Variants in EIF5A observed in about 807,000 individuals in gnomAD.
EIF5A encodes the protein eukaryotic translation initiation factor 5A.
Under a neutral mutation model 16.6 loss-of-function variants are expected in EIF5A, and 1 was observed. The observed-to-expected ratio is 0.06, with a 90% confidence interval of 0.02 to 0.28. The LOEUF (loss-of-function observed/expected upper bound fraction) is 0.28. EIF5A is among the 10% of genes least tolerant of loss of function. The pLI is 1.00. For synonymous variants in EIF5A, 80 were observed against 73.6 expected (o/e 1.09, Z -0.44); for missense variants, 29 against 196.1 (o/e 0.15, Z 5.09).
At chr17:7,309,046 T>G (rs1208033690) in intron 1 of EIF5A, among the ~76,000 whole-genome samples, 1 of 151,922 alleles carries the variant, frequency 6.6e-6, no homozygotes, top group African/African-American at 2.4e-5. Flanking sequence ...CCCCTTGGCT[T>G]GTTGCAAGTG....
chr17:7,310,048 T>G, intron 2 of EIF5A: 2 of 1,483,578 alleles, frequency 1.3e-6, no homozygotes, highest in South Asian at 2.4e-5. Context: ...TCCAGCTTTG[T>G]GCCAATCTCT....
intron 1 of EIF5A, chr17:7,308,478 G>A: frequency 1.5e-6 from 2 of 1,348,858 alleles, no homozygotes; most frequent in Non-Finnish European, 2.0e-6. Flanking sequence ...AATCACCCCG[G>A]AGGGCCTGCT....
intron 2 of EIF5A, chr17:7,310,270 T>A (rs1334944247): frequency 7.8e-7 from 1 of 1,288,866 alleles, no homozygotes. Flanking sequence ...AGTTCTAGCT[T>A]TCCCTTTGGA....
intron 1 of EIF5A, among the ~76,000 whole-genome samples, chr17:7,309,110 T>C (rs1428135578): frequency 6.7e-6 from 1 of 148,396 alleles, no homozygotes; most frequent in Non-Finnish European, 1.5e-5. Flanking sequence ...CCTGTAGCAG[T>C]GACTGGTTTG....
intron 2 of EIF5A, chr17:7,310,102 C>T: frequency 2.9e-6 from 4 of 1,371,606 alleles, no homozygotes; most frequent in Non-Finnish European, 3.8e-6. Context: ...GTTGCTCCTT[C>T]CTTATTCTTG....
At chr17:7,307,073 C>T (rs558424330), upstream of EIF5A, 6 of 1,604,378 alleles carry the variant, frequency 3.7e-6, no homozygotes, top group African/African-American at 5.3e-5. Context: ...GGACTGATTC[C>T]AAGACAAGGC....
intron 1 of EIF5A, chr17:7,308,348 A>C: frequency 8.5e-7 from 1 of 1,173,262 alleles, no homozygotes; most frequent in Non-Finnish European, 1.1e-6. Context: ...GGCCACCGGA[A>C]GCCCGGAACG....
rs527491803 is a variant in EIF5A at position 7,309,648 on chromosome 17, T to C, written c.13T>C (p.Leu5=). The C allele has an allele frequency of 1.2e-6, 2 of 1,614,220 alleles. No individual in the cohort carries two copies. The highest frequency in any genetic ancestry group is 2.2e-5 in the South Asian group (2 of 91,090). Residue 5 remains leucine, a synonymous_variant, in exon 2 of 6, where the codon TTG becomes CTG. Transcript: ENST00000336458. ...GAAGCCTCTTAAAATGGCAGATGAC[T>C]TGGACTTCGAGACAGGAGATGCAGG... MADD[L]DFETGDAGAS...
chr17:7,309,716 G>A lies in EIF5A; in HGVS notation c.81G>A (p.Lys27=). The A allele has an allele frequency of 6.2e-7, 1 of 1,614,252 alleles. No individual in the cohort carries two copies. Among genetic ancestry groups the A allele is most frequent in the Non-Finnish European group, 8.5e-7 (1 of 1,180,058 alleles). The part of the protein sequence containing the change: ...TFPMQCSALR[K]NGFVVLKGRP... Reference sequence around the variant, plus strand: ...CAATGCAGTGCTCAGCATTACGTAAGAATGGCTTTGTGGTGCTCAAAGGCC... The same window carrying A: ...CAATGCAGTGCTCAGCATTACGTAAAAATGGCTTTGTGGTGCTCAAAGGCC... The change falls in exon 2 of 6, where the codon AAG becomes AAA. Residue 27 remains lysine (K), a synonymous_variant. Transcript: ENST00000336458.
intron 2 of EIF5A, chr17:7,310,025 GTCCC>G: frequency 2.0e-6 from 3 of 1,509,954 alleles, no homozygotes; most frequent in Non-Finnish European, 2.7e-6. Flanking sequence ...TTCTCTGGCA[GTCCC>G]TCCGTTTCTC....
At chr17:7,309,182 T>TCCCCCCCCC (rs60872664) in intron 1 of EIF5A, among the ~76,000 whole-genome samples, 3 of 133,536 alleles carry the variant, frequency 2.2e-5, no homozygotes, top group Non-Finnish European at 4.8e-5. Context: ...GTCTCCACCC[T>TCCCCCCCCC]CCCCCCCCCC....
In EIF5A at chr17:7,309,665, A is replaced by G. The variant is rs779781729; in HGVS notation, c.30A>G (p.Gly10=). The G allele has an allele frequency of 6.2e-7, 1 of 1,614,220 alleles. No individual in the cohort carries two copies. The highest frequency in any genetic ancestry group is 1.1e-5 in the South Asian group (1 of 91,082). The change falls in exon 2 of 6, where the codon GGA becomes GGG. Residue 10 remains glycine (G), a synonymous_variant. Coordinates refer to ENST00000336458, the MANE Select transcript of EIF5A (RefSeq NM_001970.5). MADDLDFET[G]DAGASATFPM... ...CAGATGACTTGGACTTCGAGACAGG[A>G]GATGCAGGGGCCTCAGCCACCTTCC... is the stretch of plus-strand genomic sequence containing the variant.
chr17:7,308,814 C>A (rs916295721), intron 1 of EIF5A, among the ~76,000 whole-genome samples: 1 of 152,182 alleles, frequency 6.6e-6, no homozygotes, highest in Admixed American at 6.5e-5. Context: ...CTACTACTCA[C>A]TACTACCAAC....
chr17:7,308,040 C>A (rs2072679450), intron 1 of EIF5A: 1 of 985,506 alleles, frequency 1.0e-6, no homozygotes, highest in African/African-American at 1.8e-5. Context: ...GGGGCGAGGG[C>A]CAGGGGCCAG....
rs988981784 is a variant in EIF5A, at chr17:7,310,373, T to G, written c.165+573T>G. The G allele has an allele frequency of 4.1e-6, 5 of 1,205,526 alleles. No homozygotes were observed. In the African/African-American group the frequency reaches 6.4e-5, roughly 15 times the overall value. 74.7% of individuals were successfully genotyped at this position (1,205,526 alleles called of 1,614,324 possible). Reference sequence around the variant, plus strand: ...ATGCTTTCATGGGTTTTAACATTCTTGCTAGCACTTCCCTCATCACCTCAG... The same window carrying G: ...ATGCTTTCATGGGTTTTAACATTCTGGCTAGCACTTCCCTCATCACCTCAG... On this transcript the variant is annotated intron_variant, in intron 2 of 5. Transcript: ENST00000336458.
Position 7,310,482 on chromosome 17 carries a change from C to T in EIF5A, c.166-536C>T, listed in dbSNP as rs190352564. On this transcript the variant is annotated intron_variant, in intron 2 of 5. Transcript: ENST00000336458. ...GTTTTTCCTTAATCAGTTTTTCCAT[C>T]TTTTGACTTGACATTGATCTTGGAT... The T allele has an allele frequency of 1.2e-3, 1,458 of 1,172,030 alleles. 7 individuals are homozygous for T. Among genetic ancestry groups the T allele is most frequent in the Middle Eastern group, 7.4e-3 (19 of 2,558 alleles). The allele number at this position is 1,172,030 out of a possible 1,614,324, so 72.6% of individuals were successfully genotyped here. A position where few individuals can be genotyped will look rare whatever the true frequency, so the allele number is the denominator to read the frequency against.
chr17:7,309,858 C>T (rs1490393893), intron 2 of EIF5A, 58 bp downstream of exon 2: 2 of 1,613,962 alleles, frequency 1.2e-6, no homozygotes, highest in Admixed American at 1.7e-5. Context: ...TTTGGCGCTC[C>T]CAGCAGCAAG....
chr17:7,311,989 C>T lies in EIF5A; in HGVS notation c.*179C>T. 5.2e-6 allele frequency: 2 copies of T among 383,006 alleles called. No homozygotes were observed. Among genetic ancestry groups the T allele is most frequent in the South Asian group, 6.5e-5 (2 of 30,576 alleles). The allele number at this position is 383,006 out of a possible 1,614,324, so 23.7% of individuals were successfully genotyped here. On this transcript the variant is annotated 3_prime_UTR_variant, in exon 6 of 6. Coordinates refer to ENST00000336458, the MANE Select transcript of EIF5A (RefSeq NM_001970.5). Reference sequence around the variant, plus strand: ...TCTGTCGGGGAGCCCCTGCCCTTCACCTAGCTCCCTTGGCCAGGAGCGAGC... The same window carrying T: ...TCTGTCGGGGAGCCCCTGCCCTTCATCTAGCTCCCTTGGCCAGGAGCGAGC...
At chr17:7,307,244 A>G, upstream of EIF5A, 1 of 1,256,576 alleles carries the variant, frequency 8.0e-7, no homozygotes, top group Non-Finnish European at 1.1e-6. Context: ...CTGAGGTGGA[A>G]GGGGTTGTTT....
Sources: allele counts gnomAD v4.1 joint callset (sites outside exome capture counted in the v4.1 genomes callset), GRCh38; gene constraint gnomAD v4.1.1; transcripts MANE v1.5; gene names NCBI Gene and HGNC (gene_info 2026-07-23, HGNC 2026-07-21).